NKAIN2: variants seen among roughly 807,000 people sequenced by gnomAD.
The protein encoded by NKAIN2 is sodium/potassium-transporting ATPase subunit beta-1-interacting protein 2.
Under a neutral mutation model 32.6 loss-of-function variants are expected in NKAIN2, and 14 were observed. The ratio of observed to expected loss-of-function variants is 0.43; its 90% CI spans 0.28 to 0.67. The LOEUF (loss-of-function observed/expected upper bound fraction) is 0.67, where lower values mean the gene tolerates loss of function less well. NKAIN2 is among the 30% of genes least tolerant of loss of function. The pLI is 0.17. For synonymous variants in NKAIN2, 80 were observed against 87.2 expected, an observed-to-expected ratio of 0.92 and a Z score of 0.46; for missense variants, 198 against 258.3, an observed-to-expected ratio of 0.77 and a Z score of 1.60.
chr6:123,980,927 T>C (rs944290870), intron 1 of NKAIN2, among the ~76,000 whole-genome samples: 6 of 151,636 alleles, frequency 4.0e-5, no homozygotes, highest in African/African-American at 1.5e-4. Context: ...TGGAGTGCAG[T>C]GGTGCGATCT....
intron 3 of NKAIN2, among the ~76,000 whole-genome samples, chr6:124,436,118 C>T (rs914648360): frequency 5.9e-5 from 9 of 152,132 alleles, no homozygotes; most frequent in Non-Finnish European, 1.3e-4. Flanking sequence ...TATCAGCTAA[C>T]GTATTATCTG....
intron 3 of NKAIN2, among the ~76,000 whole-genome samples, chr6:124,592,413 C>T: frequency 6.6e-6 from 1 of 152,040 alleles, no homozygotes; most frequent in East Asian, 1.9e-4. Context: ...ATTGAGGAAC[C>T]CCTTAACCCT....
At chr6:124,131,522 C>T (rs1786474773) in intron 1 of NKAIN2, among the ~76,000 whole-genome samples, 1 of 152,128 alleles carries the variant, frequency 6.6e-6, no homozygotes, top group Non-Finnish European at 1.5e-5. Context: ...CATGCTACTG[C>T]AAAATCAGCG....
chr6:124,550,232 G>T (rs1016222647), intron 3 of NKAIN2, among the ~76,000 whole-genome samples: 13 of 151,970 alleles, frequency 8.6e-5, no homozygotes, highest in African/African-American at 3.1e-4. Flanking sequence ...GTATTTCTTG[G>T]TATTCTTTTG....
At position 124,257,330 on chromosome 6, in the gene NKAIN2, T is replaced by A. The variant is rs144022537; in HGVS notation, c.55-25675T>A. ...CTAACTGATGGAGCCAAGTTCCAGA[T>A]CTGTGGTTTAAGATTTGCTTCAGGG... On this transcript the variant is annotated intron_variant, in intron 1 of 6. Coordinates refer to ENST00000368417, the MANE Select transcript of NKAIN2 (RefSeq NM_001040214.3). Among the ~76,000 whole-genome samples, 947 of 152,304 alleles carry A rather than the reference T, an allele frequency of 6.2e-3. 13 individuals are homozygous for A. Among genetic ancestry groups the A allele is most frequent in the African/African-American group, 0.02 (821 of 41,564 alleles).
At chr6:124,759,915 C>T (rs181743280) in intron 4 of NKAIN2, among the ~76,000 whole-genome samples, 1 of 151,884 alleles carries the variant, frequency 6.6e-6, no homozygotes, top group African/African-American at 2.4e-5. Context: ...CAGAGTGGCA[C>T]GCTTAGACAA....
intron 3 of NKAIN2, among the ~76,000 whole-genome samples, chr6:124,537,568 A>C (rs904845046): frequency 1.2e-4 from 19 of 152,220 alleles, no homozygotes; most frequent in African/African-American, 4.6e-4. Context: ...TTTAGGTGTT[A>C]AAACAGGTTT....
chr6:124,130,684 G>A (rs1035255663), intron 1 of NKAIN2, among the ~76,000 whole-genome samples: 7 of 150,484 alleles, frequency 4.7e-5, no homozygotes, highest in South Asian at 4.2e-4. Context: ...CTTCATGCTC[G>A]TTTTCACTTT....
At chr6:123,944,643 A>G (rs949462021) in intron 1 of NKAIN2, among the ~76,000 whole-genome samples, 3 of 152,142 alleles carry the variant, frequency 2.0e-5, no homozygotes, top group African/African-American at 7.2e-5. Flanking sequence ...AAACACTTTG[A>G]TAAGGAAAAA....
At chr6:124,688,817 T>C (rs575689718) in intron 4 of NKAIN2, among the ~76,000 whole-genome samples, 179 of 152,264 alleles carry the variant, frequency 1.2e-3, no homozygotes, top group African/African-American at 4.2e-3. Context: ...TTCATTTCTT[T>C]GTATCACTGA....
chr6:124,823,306 G>A lies in NKAIN2; in HGVS notation c.*77G>A. 1.0e-6 allele frequency: 1 copy of A among 987,360 alleles called. No homozygotes were observed. Among genetic ancestry groups the A allele is most frequent in the Non-Finnish European group, 1.6e-6 (1 of 607,344 alleles). The allele number at this position is 987,360 out of a possible 1,614,324, so 61.2% of individuals were successfully genotyped here. ...GCAGTGGCCTCCTGCATTTCATGAAGAGCAAGAAGCAACTGAGTTTAAATA... is the reference window on the plus strand; with the variant it reads ...GCAGTGGCCTCCTGCATTTCATGAAAAGCAAGAAGCAACTGAGTTTAAATA... On this transcript the variant is annotated 3_prime_UTR_variant, in exon 7 of 7. Transcript: ENST00000368417.
At chr6:124,154,261 G>T (rs1366251669) in intron 1 of NKAIN2, among the ~76,000 whole-genome samples, 1 of 151,776 alleles carries the variant, frequency 6.6e-6, no homozygotes, top group Non-Finnish European at 1.5e-5. Context: ...TACTTAATTT[G>T]AATGATATCA....
At chr6:124,142,455 C>A (rs1436899090) in intron 1 of NKAIN2, among the ~76,000 whole-genome samples, 3 of 152,072 alleles carry the variant, frequency 2.0e-5, no homozygotes, top group Non-Finnish European at 4.4e-5. Context: ...ATACTTTTCC[C>A]AAGTCATTTA....
At chr6:124,417,584 G>C (rs113743089) in intron 3 of NKAIN2, among the ~76,000 whole-genome samples, 1 of 151,764 alleles carries the variant, frequency 6.6e-6, no homozygotes, top group South Asian at 2.1e-4. Context: ...AATAGTATAC[G>C]TGTTGTAGAC....
At chr6:124,569,665 C>T (rs1328972511) in intron 3 of NKAIN2, among the ~76,000 whole-genome samples, 2 of 152,160 alleles carry the variant, frequency 1.3e-5, no homozygotes, top group Admixed American at 1.3e-4. Context: ...ACCTTTCACC[C>T]TCTGCCATGA....
chr6:123,917,994 T>G (rs1345990243), intron 1 of NKAIN2, among the ~76,000 whole-genome samples: 1 of 152,156 alleles, frequency 6.6e-6, no homozygotes, highest in Non-Finnish European at 1.5e-5. Flanking sequence ...AAACTTGTAA[T>G]TAAGTAGATC....
At chr6:124,610,960 G>T (rs1782667399) in intron 3 of NKAIN2, among the ~76,000 whole-genome samples, 1 of 152,072 alleles carries the variant, frequency 6.6e-6, no homozygotes, top group South Asian at 2.1e-4. Context: ...ATAAGGGATA[G>T]AATTTCCTTA....
chr6:124,470,406 G>T (rs1475167361), intron 3 of NKAIN2, among the ~76,000 whole-genome samples: 1 of 152,130 alleles, frequency 6.6e-6, no homozygotes, highest in Non-Finnish European at 1.5e-5. Flanking sequence ...GGAATGATGG[G>T]AGTGCTTTCC....
At position 124,336,668 on chromosome 6, in the gene NKAIN2, G is replaced by GT. The variant is rs201019056; in HGVS notation, c.193-18590dup. On this transcript the variant is annotated intron_variant, in intron 2 of 6. Transcript: ENST00000368417. ...AAAGTACTTCTAACTGAAATAGTTT[G>GT]TTTTTTTTTGTTTGTTTTTTTTTTG... Among the ~76,000 whole-genome samples the GT allele has an allele frequency of 8.0e-3, 1,098 of 136,756 alleles. 19 individuals carry two copies. Among genetic ancestry groups the GT allele is most frequent in the African/African-American group, 0.017 (647 of 37,334 alleles). 89.7% of individuals were successfully genotyped at this position (136,756 alleles called of 152,430 possible).
Sources: allele counts gnomAD v4.1 joint callset (sites outside exome capture counted in the v4.1 genomes callset), GRCh38; gene constraint gnomAD v4.1.1; transcripts MANE v1.5; gene names NCBI Gene and HGNC (gene_info 2026-07-23, HGNC 2026-07-21).